NUP188: variants seen among roughly 807,000 people sequenced by gnomAD.
NUP188 encodes the protein nucleoporin NUP188.
A neutral mutation model predicts 223.0 loss-of-function variants in NUP188; 97 were observed. The observed-to-expected ratio is 0.43, with a 90% confidence interval of 0.37 to 0.51. NUP188 has a LOEUF of 0.51. NUP188 is among the 20% of genes least tolerant of loss of function. The pLI is 0.00. For synonymous variants in NUP188, 869 were observed against 828.0 expected, an observed-to-expected ratio of 1.05 and a Z score of -0.85; for missense variants, 1,947 against 2,175.6, an observed-to-expected ratio of 0.89 and a Z score of 2.09.
rs1841711072 is a variant in NUP188 at position 128,947,908 on chromosome 9, C to G, written c.32+157C>G. ...GAGACGGGAGGCGGTTACGTCCAAA[C>G]GGTCCCCGCGCGCGGGGATCTGAAG... On this transcript the variant is annotated intron_variant, in intron 1 of 43. Transcript: ENST00000372577. 4 of 561,368 alleles carry G rather than the reference C, an allele frequency of 7.1e-6. No individual in the cohort carries two copies. The Admixed American group carries it at 1.2e-4, about 17-fold the overall frequency. 34.8% of individuals were successfully genotyped at this position (561,368 alleles called of 1,614,324 possible).
chr9:128,990,545 G>A (rs1328996164), intron 25 of NUP188, among the ~76,000 whole-genome samples: 1 of 151,984 alleles, frequency 6.6e-6, no homozygotes, highest in Non-Finnish European at 1.5e-5. Flanking sequence ...GGCCAAGATG[G>A]TGAAACCCTA....
At chr9:128,984,876 T>A (rs749952371) in intron 19 of NUP188, 24 bp from the exon 20 acceptor site, 1 of 1,503,470 alleles carries the variant, frequency 6.7e-7, no homozygotes, top group Admixed American at 1.9e-5. Context: ...CTATCATTTT[T>A]TTTCCCTCTA....
chr9:128,951,439 A>C (rs566519455), intron 2 of NUP188, among the ~76,000 whole-genome samples: 1 of 152,052 alleles, frequency 6.6e-6, no homozygotes, highest in Non-Finnish European at 1.5e-5. Flanking sequence ...TGATTGCATC[A>C]CTGCACTCCA....
At chr9:128,957,574 C>T (rs1228968097) in intron 5 of NUP188, among the ~76,000 whole-genome samples, 2 of 152,038 alleles carry the variant, frequency 1.3e-5, no homozygotes, top group Non-Finnish European at 2.9e-5. Flanking sequence ...ACGCCATTCT[C>T]CTGCCTCAGC....
At position 128,970,910 on chromosome 9, in the gene NUP188, T is replaced by C. The variant is rs766509585; in HGVS notation, c.1065T>C (p.Phe355=). 5.6e-6 allele frequency: 9 copies of C among 1,614,066 alleles called. No individual in the cohort carries two copies. Among genetic ancestry groups the C allele is most frequent in the Middle Eastern group, 1.6e-4 (1 of 6,062 alleles). ...GCACAGCCATCCAGCTGAATGTGTTTCAGTACTTGACCCGATTGCTCCAGT... is the reference window on the plus strand; with the variant it reads ...GCACAGCCATCCAGCTGAATGTGTTCCAGTACTTGACCCGATTGCTCCAGT... ...IGGTAIQLNV[F]QYLTRLLQSL... is the part of the protein sequence containing the mutation. The change falls in exon 11 of 44, where the codon TTT becomes TTC. Residue 355 remains phenylalanine, a synonymous_variant. Coordinates refer to ENST00000372577, the MANE Select transcript of NUP188 (RefSeq NM_015354.3).
At chr9:128,998,733 C>A in intron 32 of NUP188, 110 bp downstream of exon 32, 1 of 842,278 alleles carries the variant, frequency 1.2e-6, no homozygotes, top group Non-Finnish European at 2.0e-6. Flanking sequence ...GGTTTTCCAT[C>A]TTGAGGAATG....
In NUP188 at chr9:129,002,914, G is replaced by C; in HGVS notation, c.4235G>C (p.Arg1412Pro). ...ATGGAGCAGCTGCTCAAAACTCTGC[G>C]CTACAACTTCCTGCCTGAGGCCCTG... The part of the protein sequence containing the change: ...SLMEQLLKTL[R>P]YNFLPEALDF... The change falls in exon 37 of 44, where the codon CGC (arginine) becomes CCC (proline). Residue 1412 changes from arginine to proline, a missense_variant. This residue lies in a region of NUP188 where 905 missense variants were observed against 990.6 expected (regional missense o/e 0.91). Coordinates refer to ENST00000372577, the MANE Select transcript of NUP188 (RefSeq NM_015354.3). The C allele has an allele frequency of 6.2e-7, 1 of 1,614,232 alleles. No individual in the cohort carries two copies. The highest frequency in any genetic ancestry group is 8.5e-7 in the Non-Finnish European group (1 of 1,180,046).
At chr9:128,968,304 A>G (rs1842059367) in intron 8 of NUP188, among the ~76,000 whole-genome samples, 1 of 152,148 alleles carries the variant, frequency 6.6e-6, no homozygotes, top group African/African-American at 2.4e-5. Flanking sequence ...GACCAGGTGC[A>G]GTGGCTTGCG....
chr9:128,952,933 A>G (rs1841814798), intron 3 of NUP188, 87 bp downstream of exon 3: 3 of 1,057,948 alleles, frequency 2.8e-6, no homozygotes, highest in Non-Finnish European at 4.4e-6. Context: ...CTTTGATGAT[A>G]TTGTAGGGTT....
Position 128,999,300 on chromosome 9 carries a change from A to C in NUP188, c.3644A>C (p.Gln1215Pro), listed in dbSNP as rs1243714686. 6 of 1,614,130 alleles carry C rather than the reference A, an allele frequency of 3.7e-6. No homozygotes were observed. The highest frequency in any genetic ancestry group is 5.1e-6 in the Non-Finnish European group (6 of 1,179,992). The change falls in exon 33 of 44, where the codon CAA becomes CCA. Residue 1215 changes from glutamine to proline, a missense_variant. Physicochemically the swap from Gln to Pro is moderately conservative, Grantham distance 76. Around this residue, in one of 3 missense-constraint regions of NUP188, gnomAD observed 905 missense variants for 990.6 expected, o/e 0.91. Transcript: ENST00000372577. ...KVFSAFITVLQMKEMKVSDIP... is the reference protein window; with the variant it reads ...KVFSAFITVLPMKEMKVSDIP... The stretch of plus-strand genomic sequence containing the variant: ...TTCTCAGCATTCATCACAGTGTTGC[A>C]AATGAAGGAGATGAAAGGTGAGGGG...
chr9:129,000,658 T>C (rs1195794215), intron 34 of NUP188, among the ~76,000 whole-genome samples: 2 of 152,048 alleles, frequency 1.3e-5, no homozygotes, highest in Non-Finnish European at 2.9e-5. Flanking sequence ...ATAAAGTGTT[T>C]AAGAAAATAT....
chr9:128,978,709 TTTTG>T (rs925602980), intron 12 of NUP188, among the ~76,000 whole-genome samples: 10 of 152,084 alleles, frequency 6.6e-5, no homozygotes, highest in South Asian at 2.1e-4. Flanking sequence ...TAAGCAGTTT[TTTTG>T]TTTGTTTGTT....
intron 36 of NUP188, among the ~76,000 whole-genome samples, chr9:129,002,282 C>G (rs1317359404): frequency 6.6e-6 from 1 of 152,204 alleles, no homozygotes; most frequent in East Asian, 1.9e-4. Flanking sequence ...GGCAGCTGTC[C>G]TCTCCTGTCA....
Position 128,984,984 on chromosome 9 carries a change from C to T in NUP188, c.2046C>T (p.Ala682=). The change falls in exon 20 of 44, where the codon GCC becomes GCT. Residue 682 remains alanine (A), a synonymous_variant. Coordinates refer to ENST00000372577, the MANE Select transcript of NUP188 (RefSeq NM_015354.3). ...AGGGCGAGTATGGGGTTACTATTGC[C>T]TTTCTGCGCTTGATCACCACCCTTG... ...QPQGEYGVTI[A]FLRLITTLVK... The T allele has an allele frequency of 6.2e-7, 1 of 1,613,566 alleles. No individual in the cohort carries two copies.
intron 8 of NUP188, among the ~76,000 whole-genome samples, chr9:128,961,030 A>G (rs571892283): frequency 4.7e-5 from 7 of 150,506 alleles, no homozygotes; most frequent in Admixed American, 2.7e-4. Flanking sequence ...GGTTGCAGTG[A>G]GCCAAGATTG....
At chr9:128,971,717 TAG>T (rs1235441537) in intron 11 of NUP188, among the ~76,000 whole-genome samples, 2 of 149,690 alleles carry the variant, frequency 1.3e-5, no homozygotes, top group Admixed American at 6.7e-5. Context: ...CGTGCCCAGC[TAG>T]TGAGCTCGTT....
chr9:128,968,421 G>C, intron 8 of NUP188, 85 bp from the exon 9 acceptor site: 1 of 1,020,548 alleles, frequency 9.8e-7, no homozygotes. Context: ...GACAGATTGA[G>C]ACCCTTTCTT....
rs1564570436 is a variant in NUP188, at chr9:129,006,282, ATC to A, written c.4992_4993del (p.Gln1665GlyfsTer6). The stretch of plus-strand genomic sequence containing the variant: ...CATGGAAAACTGCTTCTACCTGCTC[ATC>A]TCTCAGGCGATGCGGTACCTTAGGG... The part of the protein sequence containing the change: ...FTMENCFYLL[I>X]SQAMRYLRDP... On this transcript the variant is annotated frameshift_variant, in exon 43 of 44. Transcript: ENST00000372577. LOFTEE classifies it high-confidence loss of function. 2 of 1,614,126 alleles carry A rather than the reference ATC, an allele frequency of 1.2e-6. No individual in the cohort carries two copies. The highest frequency in any genetic ancestry group is 1.1e-5 in the South Asian group (1 of 91,078).
intron 29 of NUP188, 61 bp downstream of exon 29, chr9:128,994,984 T>C (rs1842496751): frequency 2.4e-6 from 3 of 1,250,042 alleles, no homozygotes; most frequent in Non-Finnish European, 3.5e-6. Context: ...GTTGGTGGCC[T>C]ACCACTGGGT....
Sources: gnomAD v4.1 joint callset for allele counts (sites outside exome capture counted in the v4.1 genomes callset) on GRCh38, gnomAD v4.1.1 for gene constraint, gnomAD v4.1.1 regional missense constraint, MANE v1.5 for transcripts, NCBI Gene and HGNC (gene_info 2026-07-23, HGNC 2026-07-21) for gene names.